The following GPHN variants were observed in gnomAD, a reference collection of about 807,000 sequenced individuals.
GPHN encodes gephyrin.
GPHN carries 17 observed loss-of-function variants against 95.5 expected under a neutral mutation model. The observed-to-expected ratio is 0.18, with a 90% CI of 0.12 to 0.27. GPHN has a LOEUF of 0.27. Among genes scored for constraint, GPHN ranks in the 10% least tolerant of loss-of-function variants. The pLI, the probability that GPHN is intolerant of heterozygous loss-of-function variation, is 1.00. For missense variants in GPHN, 660 were observed against 978.1 expected, an observed-to-expected ratio of 0.67 and a Z score of 4.34; for synonymous variants, 320 against 322.5, an observed-to-expected ratio of 0.99 and a Z score of 0.08.
chr14:66,508,196 A>C lies in GPHN; in HGVS notation c.-332A>C, dbSNP rs2057862534. 2.0e-6 allele frequency: 1 copy of C among 500,576 alleles called. No homozygotes were observed. The highest frequency in any genetic ancestry group is 3.7e-6 in the Non-Finnish European group (1 of 273,598). 31.0% of individuals were successfully genotyped at this position (500,576 alleles called of 1,614,324 possible). A position where few individuals can be genotyped will look rare whatever the true frequency, so the allele number is the denominator to read the frequency against. ...AGCTGCCTTGGGTCTCGCGCTCCGC[A>C]GAGCGTTCCGACACTCTCCGGCCTC... On this transcript the variant is annotated 5_prime_UTR_variant, in exon 1 of 23. Transcript: ENST00000478722.
the GPHN span, chr14:67,573,761 CCACATT>C: frequency 2.3e-6 from 3 of 1,329,496 alleles, no homozygotes; most frequent in Non-Finnish European, 3.3e-6. The surrounding 1 kb of genome is among the most constrained non-coding windows in gnomAD (Gnocchi z 4.8). Context: ...CGGAAAGGCT[CCACATT>C]CAGTGGCTCT....
intron 2 of GPHN, among the ~76,000 whole-genome samples, chr14:66,762,137 T>TA (rs3033908): frequency 0.061 from 8,919 of 145,694 alleles, 342 homozygotes; most frequent in Admixed American, 0.1. Flanking sequence ...TTTGAAAGGT[T>TA]AAAAAAAAAA....
chr14:66,609,592 A>G (rs1377460479), intron 1 of GPHN, among the ~76,000 whole-genome samples: 1 of 152,124 alleles, frequency 6.6e-6, no homozygotes, highest in Non-Finnish European at 1.5e-5. Flanking sequence ...TGGTCTCTAT[A>G]TAATCCCATA....
At chr14:67,281,714 T>G in the GPHN span, among the ~76,000 whole-genome samples, 1 of 152,218 alleles carries the variant, frequency 6.6e-6, no homozygotes, top group Non-Finnish European at 1.5e-5. Flanking sequence ...GAAACAAATA[T>G]AGCTTCAGCC....
chr14:67,036,239 T>A (rs2074414397), intron 10 of GPHN, among the ~76,000 whole-genome samples: 1 of 150,870 alleles, frequency 6.6e-6, no homozygotes, highest in African/African-American at 2.4e-5. Flanking sequence ...ATAATAAAGG[T>A]CATTTATGAA....
chr14:67,439,422 G>A, the GPHN span, among the ~76,000 whole-genome samples: 4 of 152,170 alleles, frequency 2.6e-5, no homozygotes, highest in African/African-American at 9.7e-5. Flanking sequence ...TAAGCACTGG[G>A]CTAATGACAA....
intron 1 of GPHN, among the ~76,000 whole-genome samples, chr14:66,597,166 G>A (rs1045714634): frequency 1.6e-4 from 25 of 152,280 alleles, no homozygotes; most frequent in African/African-American, 5.8e-4. Flanking sequence ...ACCATTTGGA[G>A]TTTGATGGCC....
chr14:66,565,018 T>A lies in GPHN; in HGVS notation c.64+56427T>A, dbSNP rs185772484. Among the ~76,000 whole-genome samples the A allele has an allele frequency of 3.9e-5, 6 of 152,252 alleles. No individual in the cohort carries two copies. The East Asian group carries it at 1.2e-3, about 29-fold the overall frequency. ...CCTCTTTGCCCATGTTTTTCTCTCT[T>A]AGCTTCAGTGAGTTTCCACCAAGCT... On this transcript the variant is annotated intron_variant, in intron 1 of 22. Coordinates refer to ENST00000478722, the MANE Select transcript of GPHN (RefSeq NM_020806.5).
intron 2 of GPHN, among the ~76,000 whole-genome samples, chr14:66,686,147 T>C (rs1413736975): frequency 1.3e-5 from 2 of 152,212 alleles, no homozygotes; most frequent in African/African-American, 2.4e-5. Context: ...TTGGTTACTG[T>C]AGCCTTGTAG....
chr14:66,720,001 G>A (rs779149405), intron 2 of GPHN, among the ~76,000 whole-genome samples: 1 of 151,904 alleles, frequency 6.6e-6, no homozygotes, highest in African/African-American at 2.4e-5. Flanking sequence ...TTTTTTGTAA[G>A]GCAGTAATCT....
the GPHN span, among the ~76,000 whole-genome samples, chr14:67,466,652 T>G: frequency 6.6e-6 from 1 of 152,176 alleles, no homozygotes; most frequent in Non-Finnish European, 1.5e-5. Flanking sequence ...TGTACCCAGC[T>G]AGGCACCTTG....
intron 1 of GPHN, among the ~76,000 whole-genome samples, chr14:66,518,947 A>G (rs2058366432): frequency 6.6e-6 from 1 of 152,038 alleles, no homozygotes; most frequent in Non-Finnish European, 1.5e-5. Context: ...GTTAACAGTA[A>G]TATATAGTTT....
intron 1 of GPHN, among the ~76,000 whole-genome samples, chr14:66,632,452 A>G (rs762047412): frequency 2.6e-5 from 4 of 151,440 alleles, no homozygotes; most frequent in Non-Finnish European, 4.4e-5. Context: ...ACTTCCTTAC[A>G]GATTTGTCTC....
At chr14:67,248,433 AAC>A in the GPHN span, among the ~76,000 whole-genome samples, 1 of 152,240 alleles carries the variant, frequency 6.6e-6, no homozygotes, top group Non-Finnish European at 1.5e-5. Context: ...GGTATTCATT[AAC>A]AGTTACCTAC....
the GPHN span, among the ~76,000 whole-genome samples, chr14:67,477,100 A>T: frequency 6.6e-6 from 1 of 151,298 alleles, no homozygotes; most frequent in Non-Finnish European, 1.5e-5. Context: ...TGGGAGGTGG[A>T]GGTTGCAGTG....
rs1460450278 is a variant in GPHN at position 67,108,488 on chromosome 14, C to T, written c.1294-1652C>T. 2.6e-5 allele frequency among the ~76,000 whole-genome samples: 4 copies of T among 152,196 alleles called. No homozygotes were observed. The East Asian group carries it at 7.7e-4, about 29-fold the overall frequency. The stretch of plus-strand genomic sequence containing the variant: ...CTGGAGAGGCAAACAGAAAATGAAA[C>T]AAATCTTTGTCTTTGTAAGGCTTAT... On this transcript the variant is annotated intron_variant, in intron 13 of 22. Coordinates refer to ENST00000478722, the MANE Select transcript of GPHN (RefSeq NM_020806.5).
the GPHN span, chr14:67,312,762 GCAAGCC>G: frequency 1.5e-6 from 2 of 1,324,052 alleles, no homozygotes; most frequent in Non-Finnish European, 2.0e-6. Context: ...CATTGAAAAT[GCAAGCC>G]TTCACAAAGA....
intron 4 of GPHN, among the ~76,000 whole-genome samples, chr14:66,843,043 CT>C (rs1849758799): frequency 6.6e-6 from 1 of 151,988 alleles, no homozygotes; most frequent in Admixed American, 6.6e-5. Context: ...TTTTATTCCT[CT>C]GCTGAGAGCT....
Position 66,734,707 on chromosome 14 carries a change from G to A in GPHN, c.144-41757G>A, listed in dbSNP as rs548880711. 5.3e-5 allele frequency among the ~76,000 whole-genome samples: 8 copies of A among 152,178 alleles called. No homozygotes were observed. The South Asian group carries it at 1.5e-3, about 28-fold the overall frequency. On this transcript the variant is annotated intron_variant, in intron 2 of 22. Coordinates refer to ENST00000478722, the MANE Select transcript of GPHN (RefSeq NM_020806.5). Reference sequence around the variant, plus strand: ...TTAGTAAAGTCTGAACTATAATGAAGGATCATAATCATAGCAAACATTTAT... The same window carrying A: ...TTAGTAAAGTCTGAACTATAATGAAAGATCATAATCATAGCAAACATTTAT...
Sources: allele counts gnomAD v4.1 joint callset (sites outside exome capture counted in the v4.1 genomes callset), GRCh38; gene constraint gnomAD v4.1.1; non-coding constraint Gnocchi (gnomAD v3.1); transcripts MANE v1.5; gene names NCBI Gene and HGNC (gene_info 2026-07-23, HGNC 2026-07-21).